The following RIMS2 variants were observed in gnomAD, a reference collection of about 807,000 sequenced individuals.
The protein encoded by RIMS2 is regulating synaptic membrane exocytosis 2.
A neutral mutation model predicts 174.4 loss-of-function variants in RIMS2; 59 were observed. The observed-to-expected ratio is 0.34, with a 90% confidence interval of 0.27 to 0.42. The LOEUF (loss-of-function observed/expected upper bound fraction) is 0.42, where lower values mean the gene tolerates loss of function less well. Among genes scored for constraint, RIMS2 ranks in the 10% least tolerant of loss-of-function variants. The probability of loss-of-function intolerance (pLI) is 1.00; values close to 1 mark genes in which losing one functional copy is unlikely to be tolerated. For missense variants in RIMS2, 1,620 were observed against 1,666.3 expected, an observed-to-expected ratio of 0.97 and a Z score of 0.48; for synonymous variants, 606 against 572.5, an observed-to-expected ratio of 1.06 and a Z score of -0.84.
At chr8:104,083,501 A>C (rs1041191300) in intron 19 of RIMS2, among the ~76,000 whole-genome samples, 6 of 152,208 alleles carry the variant, frequency 3.9e-5, no homozygotes, top group Non-Finnish European at 8.8e-5. Flanking sequence ...ACATTCATAA[A>C]AATCATATAA....
chr8:103,638,348 G>T (rs1564117233), intron 1 of RIMS2, among the ~76,000 whole-genome samples: 1 of 151,960 alleles, frequency 6.6e-6, no homozygotes, highest in Non-Finnish European at 1.5e-5. Flanking sequence ...TATATCAGTG[G>T]ATCTTACCTG....
At chr8:103,964,069 A>T (rs573489165) in intron 15 of RIMS2, among the ~76,000 whole-genome samples, 38 of 152,338 alleles carry the variant, frequency 2.5e-4, no homozygotes, top group Non-Finnish European at 4.7e-4. Flanking sequence ...TTATTGATTC[A>T]TCTGCTGAAG....
intron 2 of RIMS2, among the ~76,000 whole-genome samples, chr8:103,717,880 A>G (rs1409738117): frequency 5.9e-5 from 9 of 152,208 alleles, no homozygotes; most frequent in African/African-American, 9.6e-5. Context: ...ATAGCTAGCT[A>G]TTGAACACTT....
At chr8:103,607,385 G>T (rs1292245980) in intron 1 of RIMS2, among the ~76,000 whole-genome samples, 1 of 151,746 alleles carries the variant, frequency 6.6e-6, no homozygotes, top group African/African-American at 2.4e-5. Flanking sequence ...TTAGTCTGAT[G>T]GGCTTCCCTT....
intron 1 of RIMS2, among the ~76,000 whole-genome samples, chr8:103,572,854 C>G (rs2092933199): frequency 6.6e-6 from 1 of 152,076 alleles, no homozygotes; most frequent in South Asian, 2.1e-4. Flanking sequence ...TGTAGTTTGT[C>G]TGTTTACTCT....
chr8:103,688,770 G>A (rs1012374898), intron 1 of RIMS2, among the ~76,000 whole-genome samples: 5 of 151,838 alleles, frequency 3.3e-5, no homozygotes, highest in Admixed American at 6.6e-5. Flanking sequence ...TTCATTTAGA[G>A]CTAAAAGCTT....
At chr8:103,706,734 T>C (rs1407260101) in intron 2 of RIMS2, among the ~76,000 whole-genome samples, 1 of 150,438 alleles carries the variant, frequency 6.6e-6, no homozygotes, top group Non-Finnish European at 1.5e-5. Context: ...TTGTCCTTGA[T>C]GTTTGAAAGT....
intron 19 of RIMS2, among the ~76,000 whole-genome samples, chr8:104,153,857 G>T (rs2098705140): frequency 6.6e-6 from 1 of 152,160 alleles, no homozygotes; most frequent in Admixed American, 6.5e-5. Context: ...AGCAGGACAT[G>T]ATCAACTGTG....
rs539411049 is a variant in RIMS2, at chr8:103,521,988, T to C, written c.176+20926T>C. ...TAGTTTTGTAATATCAGGCTAGTAA[T>C]GTTTTTTTTCTTTCAGTCTATTTTC... On this transcript the variant is annotated intron_variant, in intron 1 of 23. Transcript: ENST00000504942. Among the ~76,000 whole-genome samples, 13 of 152,286 alleles carry C rather than the reference T, an allele frequency of 8.5e-5. No homozygotes were observed. The South Asian group carries it at 1.9e-3, about 22-fold the overall frequency.
chr8:103,587,468 G>GAAA (rs35539559), intron 1 of RIMS2, among the ~76,000 whole-genome samples: 6,224 of 96,376 alleles, frequency 0.065, 212 homozygotes, highest in African/African-American at 0.077. Flanking sequence ...AAGAAAGAAA[G>GAAA]AAACTATGCA....
At chr8:103,834,770 T>C (rs941561334) in intron 3 of RIMS2, among the ~76,000 whole-genome samples, 7 of 150,194 alleles carry the variant, frequency 4.7e-5, no homozygotes, top group Non-Finnish European at 8.9e-5. Context: ...CTCTCTCTCT[T>C]TCTGTCTTTC....
intron 3 of RIMS2, among the ~76,000 whole-genome samples, chr8:103,820,239 C>T (rs926836393): frequency 7.2e-5 from 11 of 152,004 alleles, no homozygotes; most frequent in Admixed American, 2.0e-4. Flanking sequence ...ACATATCTCT[C>T]AGATGGTTTC....
At chr8:104,242,974 G>A (rs893934527) in intron 19 of RIMS2, among the ~76,000 whole-genome samples, 3 of 152,102 alleles carry the variant, frequency 2.0e-5, no homozygotes, top group Non-Finnish European at 4.4e-5. Context: ...ATCTAATAGT[G>A]TTAGCCTCCA....
intron 3 of RIMS2, among the ~76,000 whole-genome samples, chr8:103,877,359 G>C (rs928511445): frequency 1.3e-5 from 2 of 151,652 alleles, no homozygotes; most frequent in African/African-American, 4.8e-5. Context: ...TTTGAGAATT[G>C]TCTATTCATG....
chr8:104,096,575 A>G (rs2097766079), intron 19 of RIMS2, among the ~76,000 whole-genome samples: 1 of 152,156 alleles, frequency 6.6e-6, no homozygotes, highest in Non-Finnish European at 1.5e-5. Context: ...AATTGCTTAT[A>G]AGAAAATGTT....
chr8:104,142,618 A>G (rs916728551), intron 19 of RIMS2, among the ~76,000 whole-genome samples: 1 of 152,212 alleles, frequency 6.6e-6, no homozygotes, highest in African/African-American at 2.4e-5. Context: ...TCCTTAAGTT[A>G]TCCCAAGTAA....
chr8:103,979,485 A>G (rs1396638407), intron 16 of RIMS2, among the ~76,000 whole-genome samples: 2 of 152,220 alleles, frequency 1.3e-5, no homozygotes, highest in Non-Finnish European at 1.5e-5. Context: ...GTATCAAAGG[A>G]TATGAAATCA....
chr8:104,134,219 C>T (rs1455327113), intron 19 of RIMS2, among the ~76,000 whole-genome samples: 1 of 152,164 alleles, frequency 6.6e-6, no homozygotes, highest in East Asian at 1.9e-4. Flanking sequence ...AATTCCAGCA[C>T]TTTGAGAGGC....
chr8:103,738,803 G>A, intron 2 of RIMS2, among the ~76,000 whole-genome samples: 1 of 152,038 alleles, frequency 6.6e-6, no homozygotes, highest in Non-Finnish European at 1.5e-5. Flanking sequence ...GGCCATCAGA[G>A]AAATGCAAAT....
Sources: allele counts gnomAD v4.1 joint callset (sites outside exome capture counted in the v4.1 genomes callset), GRCh38; gene constraint gnomAD v4.1.1; transcripts MANE v1.5; gene names NCBI Gene and HGNC (gene_info 2026-07-23, HGNC 2026-07-21).